BCAT1: variants seen among roughly 807,000 people sequenced by gnomAD.
BCAT1 encodes branched chain amino acid transaminase 1, also known as branched-chain-amino-acid aminotransferase, cytosolic.
Under a neutral mutation model 52.4 loss-of-function variants are expected in BCAT1, and 48 were observed. The ratio of observed to expected loss-of-function variants is 0.92; its 90% confidence interval spans 0.73 to 1.16. The LOEUF is 1.16. Among genes scored for constraint, BCAT1 ranks in the 50% most tolerant of loss-of-function variants. The probability of loss-of-function intolerance (pLI) is 0.00; values close to 1 mark genes in which losing one functional copy is unlikely to be tolerated. For missense variants in BCAT1, 451 were observed against 457.1 expected, an observed-to-expected ratio of 0.99 and a Z score of 0.12; for synonymous variants, 167 against 161.3, an observed-to-expected ratio of 1.04 and a Z score of -0.27.
Position 24,812,292 on chromosome 12 carries a change from A to G in BCAT1, c.*5716T>C, listed in dbSNP as rs1566542540. The G allele has an allele frequency of 6.9e-6, 1 of 145,882 alleles. No individual in the cohort carries two copies. 9.0% of individuals were successfully genotyped at this position (145,882 alleles called of 1,614,324 possible). On this transcript the variant is annotated 3_prime_UTR_variant, in exon 11 of 11. Transcript: ENST00000261192. Reference sequence around the variant, plus strand: ...CAGTAAACCTTCCACCTATCAGGATAGGAGATAGTAAATAGTATCTCTAAG... The same window carrying G: ...CAGTAAACCTTCCACCTATCAGGATGGGAGATAGTAAATAGTATCTCTAAG...
At chr12:24,918,667 T>C (rs1282910664) in intron 1 of BCAT1, among the ~76,000 whole-genome samples, 1 of 152,212 alleles carries the variant, frequency 6.6e-6, no homozygotes, top group Non-Finnish European at 1.5e-5. Flanking sequence ...GTATATCATA[T>C]ATCAAAAGTT....
At position 24,817,187 on chromosome 12, in the gene BCAT1, C is replaced by A. The variant is rs1437418487; in HGVS notation, c.*821G>T. 2.0e-5 allele frequency: 3 copies of A among 152,162 alleles called. No individual in the cohort carries two copies. The highest frequency in any genetic ancestry group is 2.0e-4 in the Admixed American group (3 of 15,278). 9.4% of individuals were successfully genotyped at this position (152,162 alleles called of 1,614,324 possible). Reference sequence around the variant, plus strand: ...AGGTAAATCTATACACTGTCAGAATCAATCACAAATTCTAATAAAGAGGTT... The same window carrying A: ...AGGTAAATCTATACACTGTCAGAATAAATCACAAATTCTAATAAAGAGGTT... On this transcript the variant is annotated 3_prime_UTR_variant, in exon 11 of 11. Coordinates refer to ENST00000261192, the MANE Select transcript of BCAT1 (RefSeq NM_005504.7).
At chr12:24,843,037 CT>C (rs953697533) in intron 6 of BCAT1, among the ~76,000 whole-genome samples, 1 of 152,156 alleles carries the variant, frequency 6.6e-6, no homozygotes, top group Non-Finnish European at 1.5e-5. Context: ...CCCTACACCC[CT>C]GGTTGTATAA....
Position 24,901,834 on chromosome 12 carries a change from C to G in BCAT1, c.58G>C (p.Glu20Gln), listed in dbSNP as rs372004088. 2 of 1,613,890 alleles carry G rather than the reference C, an allele frequency of 1.2e-6. No individual in the cohort carries two copies. Among genetic ancestry groups the G allele is most frequent in the African/African-American group, 2.7e-5 (2 of 74,944 alleles). Reference protein sequence around the residue: ...AECTGEGGSKEVVGTFKAKDL... With the variant: ...AECTGEGGSKQVVGTFKAKDL... ...CTTACCTTAAAAGTCCCCACCACCT[C>G]TTTTGATCCTCCTTCTCCGGTACAC... Residue 20 changes from glutamate (E) to glutamine (Q), a missense_variant, in exon 2 of 11, where the codon GAG becomes CAG. Coordinates refer to ENST00000261192, the MANE Select transcript of BCAT1 (RefSeq NM_005504.7).
chr12:24,854,821 G>C (rs1715736574), intron 5 of BCAT1, among the ~76,000 whole-genome samples: 1 of 152,068 alleles, frequency 6.6e-6, no homozygotes, highest in African/African-American at 2.4e-5. Flanking sequence ...TCTTAATCCA[G>C]AGTTATTTCA....
chr12:24,875,064 G>A (rs1388532933), intron 5 of BCAT1, among the ~76,000 whole-genome samples: 1 of 144,318 alleles, frequency 6.9e-6, no homozygotes, highest in Non-Finnish European at 1.5e-5. Flanking sequence ...ATACTATGAA[G>A]ACAATGACAG....
intron 7 of BCAT1, among the ~76,000 whole-genome samples, chr12:24,838,130 G>A (rs888963106): frequency 4.6e-5 from 7 of 152,166 alleles, no homozygotes; most frequent in African/African-American, 9.6e-5. Context: ...TTCTAGGCTC[G>A]CCCACTCCAC....
At chr12:24,874,707 T>C (rs1942277812) in intron 5 of BCAT1, among the ~76,000 whole-genome samples, 1 of 152,238 alleles carries the variant, frequency 6.6e-6, no homozygotes, top group Non-Finnish European at 1.5e-5. Flanking sequence ...GTTTGTTGAA[T>C]GCAGAGTCTC....
chr12:24,903,726 G>C (rs184432583), intron 1 of BCAT1: 2 of 152,284 alleles, frequency 1.3e-5, no homozygotes, highest in Admixed American at 6.5e-5. Context: ...ATAGTTTTCC[G>C]ATGTAGGCTC....
chr12:24,906,926 T>G (rs1282319288), intron 1 of BCAT1, among the ~76,000 whole-genome samples: 1 of 152,196 alleles, frequency 6.6e-6, no homozygotes, highest in Non-Finnish European at 1.5e-5. Flanking sequence ...TAAGCCATTC[T>G]TAGCATGACA....
chr12:24,834,235 T>C (rs1940826055), intron 8 of BCAT1: 1 of 981,544 alleles, frequency 1.0e-6, no homozygotes, highest in Non-Finnish European at 1.2e-6. Context: ...AATTGTATTG[T>C]ATGTATTTTT....
At chr12:24,829,238 GC>G (rs1366329560) in intron 10 of BCAT1, among the ~76,000 whole-genome samples, 1 of 150,954 alleles carries the variant, frequency 6.6e-6, no homozygotes, top group Non-Finnish European at 1.5e-5. Flanking sequence ...ACAAAAATTA[GC>G]TGGGCATGGT....
intron 10 of BCAT1, among the ~76,000 whole-genome samples, chr12:24,818,418 T>C (rs950124997): frequency 1.3e-5 from 2 of 152,178 alleles, no homozygotes; most frequent in Non-Finnish European, 2.9e-5. Flanking sequence ...TGACTGTGAC[T>C]TTTACTGTGA....
intron 1 of BCAT1, among the ~76,000 whole-genome samples, chr12:24,944,614 C>A (rs928278646): frequency 3.3e-5 from 5 of 152,108 alleles, no homozygotes; most frequent in Non-Finnish European, 7.4e-5. Context: ...CATTTATAGT[C>A]AAAACAGCAA....
At chr12:24,842,520 A>G (rs1941206502) in intron 6 of BCAT1, among the ~76,000 whole-genome samples, 1 of 150,842 alleles carries the variant, frequency 6.6e-6, no homozygotes, top group African/African-American at 2.5e-5. Context: ...AGAACAGTTA[A>G]AAGTTACTAT....
At chr12:24,870,302 A>G (rs1047127604) in intron 5 of BCAT1, among the ~76,000 whole-genome samples, 1 of 152,212 alleles carries the variant, frequency 6.6e-6, no homozygotes, top group Non-Finnish European at 1.5e-5. Flanking sequence ...ACATGTTATA[A>G]AATACATAAT....
intron 7 of BCAT1, among the ~76,000 whole-genome samples, chr12:24,839,518 G>T (rs1178415100): frequency 6.6e-6 from 1 of 152,194 alleles, no homozygotes; most frequent in Non-Finnish European, 1.5e-5. Flanking sequence ...CAAGCGTATG[G>T]GTTAAATTAC....
intron 1 of BCAT1, chr12:24,902,194 A>AT (rs1943125433): frequency 6.3e-6 from 9 of 1,433,906 alleles, no homozygotes; most frequent in Non-Finnish European, 8.2e-6. Flanking sequence ...GAACAAAAAA[A>AT]CAATTGTCTC....
At chr12:24,823,757 C>A (rs1214900768) in intron 10 of BCAT1, among the ~76,000 whole-genome samples, 1 of 152,170 alleles carries the variant, frequency 6.6e-6, no homozygotes, top group African/African-American at 2.4e-5. Flanking sequence ...TCCGCCATGA[C>A]TGTAAGTTTC....
Sources: gnomAD v4.1 joint callset for allele counts (sites outside exome capture counted in the v4.1 genomes callset) on GRCh38, gnomAD v4.1.1 for gene constraint, MANE v1.5 for transcripts, NCBI Gene and HGNC (gene_info 2026-07-23, HGNC 2026-07-21) for gene names.